The following GNAQ variants were observed in gnomAD, a reference collection of about 807,000 sequenced individuals.
GNAQ encodes G protein subunit alpha q, also known as guanine nucleotide-binding protein G(q) subunit alpha.
In GNAQ, 8 loss-of-function variants were observed where a neutral mutation model predicts 43.9. The ratio of observed to expected loss-of-function variants is 0.18; its 90% confidence interval spans 0.11 to 0.33. GNAQ has a LOEUF of 0.33. GNAQ is among the 10% of genes least tolerant of loss of function. GNAQ has a pLI of 1.00. For synonymous variants in GNAQ, 155 were observed against 170.7 expected, an observed-to-expected ratio of 0.91 and a Z score of 0.71; for missense variants, 158 against 450.8, an observed-to-expected ratio of 0.35 and a Z score of 5.88.
chr9:77,978,053 G>A (rs1823325712), intron 1 of GNAQ, among the ~76,000 whole-genome samples: 1 of 152,156 alleles, frequency 6.6e-6, no homozygotes, highest in Non-Finnish European at 1.5e-5. Context: ...TATATGAAAA[G>A]TAATACATGT....
chr9:77,980,185 C>A (rs762366107), intron 1 of GNAQ, among the ~76,000 whole-genome samples: 2 of 152,136 alleles, frequency 1.3e-5, no homozygotes, highest in East Asian at 3.9e-4. Flanking sequence ...GTACAACAGG[C>A]ACAATACCAC....
intron 5 of GNAQ, among the ~76,000 whole-genome samples, chr9:77,754,858 A>T (rs948060192): frequency 1.3e-5 from 2 of 152,222 alleles, no homozygotes; most frequent in Non-Finnish European, 2.9e-5. Flanking sequence ...CTACCATATG[A>T]TCCAGCAATG....
At chr9:77,890,704 C>G (rs560706580) in intron 2 of GNAQ, among the ~76,000 whole-genome samples, 2 of 152,310 alleles carry the variant, frequency 1.3e-5, no homozygotes, top group African/African-American at 4.8e-5. Flanking sequence ...GGCTGGGCAA[C>G]AAGAGTGAAA....
intron 6 of GNAQ, among the ~76,000 whole-genome samples, chr9:77,724,576 C>A (rs1825368541): frequency 6.6e-6 from 1 of 152,160 alleles, no homozygotes; most frequent in South Asian, 2.1e-4. Context: ...GAGGGCTTGA[C>A]CACCATTTCT....
rs775821091 is a variant in GNAQ, at chr9:77,815,764, C to T, written c.328G>A (p.Ala110Thr). The change falls in exon 3 of 7, where the codon GCA becomes ACA. Residue 110 changes from alanine (A) to threonine (T), a missense_variant. This residue lies in a region of GNAQ where 57 missense variants were observed against 78.2 expected (regional missense o/e 0.73). Transcript: ENST00000286548. Reference protein sequence around the residue: ...PYKYEHNKAHAQLVREVDVEK... With the variant: ...PYKYEHNKAHTQLVREVDVEK... ...ACATCAACTTCTCGAACTAATTGTG[C>T]ATGAGCCTGTTTAAATAAAAAAAGG... 1.2e-6 allele frequency: 2 copies of T among 1,609,340 alleles called. No individual in the cohort carries two copies. Among genetic ancestry groups the T allele is most frequent in the South Asian group, 1.1e-5 (1 of 90,346 alleles).
At chr9:77,830,866 C>A (rs1019740383) in intron 2 of GNAQ, among the ~76,000 whole-genome samples, 1 of 151,418 alleles carries the variant, frequency 6.6e-6, no homozygotes, top group Non-Finnish European at 1.5e-5. Flanking sequence ...CACACACAAT[C>A]AATGTGTGAA....
intron 5 of GNAQ, among the ~76,000 whole-genome samples, chr9:77,754,133 C>T (rs1260398361): frequency 6.6e-6 from 1 of 152,212 alleles, no homozygotes; most frequent in Non-Finnish European, 1.5e-5. Context: ...GTCTCTGCTG[C>T]TTCTGTTAGG....
chr9:77,807,205 G>C (rs753738061), intron 3 of GNAQ, among the ~76,000 whole-genome samples: 2 of 152,146 alleles, frequency 1.3e-5, no homozygotes, highest in Non-Finnish European at 2.9e-5. Flanking sequence ...GGGAAGTGGG[G>C]AGTCAAAAAA....
At chr9:78,006,267 A>G (rs1587457542) in intron 1 of GNAQ, among the ~76,000 whole-genome samples, 3 of 152,216 alleles carry the variant, frequency 2.0e-5, no homozygotes, top group Admixed American at 1.3e-4. Context: ...TATGTGTGTG[A>G]TAAGAAATAT....
intron 1 of GNAQ, among the ~76,000 whole-genome samples, chr9:77,983,335 C>G (rs925535987): frequency 6.6e-6 from 1 of 152,166 alleles, no homozygotes; most frequent in African/African-American, 2.4e-5. Context: ...CCAACTCTTG[C>G]TGCTAAAAAT....
intron 2 of GNAQ, among the ~76,000 whole-genome samples, chr9:77,844,088 C>G (rs986029730): frequency 3.9e-5 from 6 of 152,158 alleles, no homozygotes; most frequent in Non-Finnish European, 5.9e-5. Flanking sequence ...GGGTAATTTA[C>G]AAAATTCCAG....
intron 1 of GNAQ, among the ~76,000 whole-genome samples, chr9:77,959,175 C>T (rs1285410538): frequency 6.6e-6 from 1 of 152,042 alleles, no homozygotes; most frequent in Non-Finnish European, 1.5e-5. Flanking sequence ...CCCATTTCTC[C>T]CTAAAATAAT....
chr9:77,964,865 C>G (rs988684528), intron 1 of GNAQ, among the ~76,000 whole-genome samples: 3 of 152,080 alleles, frequency 2.0e-5, no homozygotes, highest in African/African-American at 7.2e-5. Context: ...AACTAATAAT[C>G]TTAAGATAAA....
chr9:77,754,301 CA>C (rs1825864128), intron 5 of GNAQ, among the ~76,000 whole-genome samples: 1 of 152,170 alleles, frequency 6.6e-6, no homozygotes, highest in Non-Finnish European at 1.5e-5. Context: ...CTGAGTGGGC[CA>C]GGGGCTTCTT....
At chr9:77,778,657 A>G (rs939399046) in intron 5 of GNAQ, among the ~76,000 whole-genome samples, 1 of 151,952 alleles carries the variant, frequency 6.6e-6, no homozygotes, top group Non-Finnish European at 1.5e-5. Flanking sequence ...TGGATAAAAA[A>G]AACCACAACC....
intron 1 of GNAQ, among the ~76,000 whole-genome samples, chr9:77,995,327 C>T (rs1325860339): frequency 6.6e-6 from 1 of 152,154 alleles, no homozygotes; most frequent in Non-Finnish European, 1.5e-5. Context: ...TACACTACTT[C>T]TCTTAATTTT....
chr9:77,761,096 G>A (rs1468960754), intron 5 of GNAQ, among the ~76,000 whole-genome samples: 8 of 151,218 alleles, frequency 5.3e-5, no homozygotes, highest in Non-Finnish European at 5.9e-5. Context: ...CCCGGCAGCC[G>A]CCCTGTCCAG....
At chr9:77,828,532 G>A (rs995545579) in intron 2 of GNAQ, among the ~76,000 whole-genome samples, 2 of 152,134 alleles carry the variant, frequency 1.3e-5, no homozygotes, top group Non-Finnish European at 2.9e-5. Context: ...AAGCTGTATC[G>A]TGCCTGTCAC....
intron 3 of GNAQ, among the ~76,000 whole-genome samples, chr9:77,798,774 T>C (rs1408870582): frequency 2.0e-5 from 3 of 152,154 alleles, no homozygotes; most frequent in Non-Finnish European, 4.4e-5. Context: ...GAAAAGTCTG[T>C]ACATGTTCAG....
Sources: allele counts gnomAD v4.1 joint callset (sites outside exome capture counted in the v4.1 genomes callset), GRCh38; gene constraint gnomAD v4.1.1; regional missense constraint gnomAD v4.1.1; transcripts MANE v1.5; gene names NCBI Gene and HGNC (gene_info 2026-07-23, HGNC 2026-07-21).